Variants in GOLGB1 observed in about 807,000 individuals in gnomAD.
The protein encoded by GOLGB1 is golgin B1.
GOLGB1 carries 174 observed loss-of-function variants against 336.9 expected under a neutral mutation model. The observed-to-expected ratio is 0.52, with a 90% CI of 0.46 to 0.59. The LOEUF is 0.59. GOLGB1 is among the 20% of genes least tolerant of loss of function. The pLI is 0.00. For synonymous variants in GOLGB1, 1,208 were observed against 1,289.2 expected (o/e 0.94, Z 1.35); for missense variants, 3,331 against 3,645.3 (o/e 0.91, Z 2.22).
rs1222005415 is a variant in GOLGB1, at chr3:121,697,924, C to T, written c.2599G>A (p.Glu867Lys). 8 of 1,613,864 alleles carry T rather than the reference C, an allele frequency of 5.0e-6. No homozygotes were observed. Among genetic ancestry groups the T allele is most frequent in the Admixed American group, 3.3e-5 (2 of 59,986 alleles). Reference sequence around the variant, plus strand: ...TGTGAAAGAGCCTGGGACAGTTCTTCCACTTTACTTGAGATATGCCTTACA... The same window carrying T: ...TGTGAAAGAGCCTGGGACAGTTCTTTCACTTTACTTGAGATATGCCTTACA... ...ERVRHISSKV[E>K]ELSQALSQKE... is the part of the protein sequence containing the mutation. Residue 867 changes from glutamate (E) to lysine (K), a missense_variant, in exon 13 of 22, where the codon GAA (glutamate) becomes AAA (lysine). By Grantham distance (56) the Glu-to-Lys change is moderately conservative. Transcript: ENST00000614479.
intron 10 of GOLGB1, among the ~76,000 whole-genome samples, chr3:121,704,094 A>T (rs761748210): frequency 2.0e-5 from 3 of 152,128 alleles, no homozygotes; most frequent in Non-Finnish European, 4.4e-5. Context: ...AACTGAAATT[A>T]TCCAATCTGA....
intron 14 of GOLGB1, among the ~76,000 whole-genome samples, chr3:121,689,300 G>C (rs1942179377): frequency 1.3e-5 from 2 of 152,220 alleles, no homozygotes; most frequent in African/African-American, 4.8e-5. Context: ...ATTTTGTTCT[G>C]TACTAAGAAA....
rs751905403 is a variant in GOLGB1, at chr3:121,691,103, T to G, written c.8261A>C (p.His2754Pro). The G allele has an allele frequency of 1.2e-6, 2 of 1,613,964 alleles. No individual in the cohort carries two copies. Among genetic ancestry groups the G allele is most frequent in the Admixed American group, 3.3e-5 (2 of 60,008 alleles). ...SMSSLQNSRD[H>P]ANEELDELKR... Reference sequence around the variant, plus strand: ...CAGTTCATCAAGTTCCTCATTGGCATGATCTCTACTATTTTGCAAGGAACT... The same window carrying G: ...CAGTTCATCAAGTTCCTCATTGGCAGGATCTCTACTATTTTGCAAGGAACT... Residue 2754 changes from histidine to proline, a missense_variant, in exon 14 of 22, where the codon CAT (histidine) becomes CCT (proline). By Grantham distance (77) the His-to-Pro change is moderately conservative. Coordinates refer to ENST00000614479, the MANE Select transcript of GOLGB1 (RefSeq NM_001366282.2).
At chr3:121,735,833 T>C (rs1000566546) in intron 1 of GOLGB1, among the ~76,000 whole-genome samples, 1 of 152,188 alleles carries the variant, frequency 6.6e-6, no homozygotes, top group East Asian at 1.9e-4. Context: ...TCAGTAGCAA[T>C]GAGCGCATCC....
chr3:121,695,224 G>C lies in GOLGB1; in HGVS notation c.5299C>G (p.Gln1767Glu). The C allele has an allele frequency of 6.2e-7, 1 of 1,613,388 alleles. No homozygotes were observed. Residue 1767 changes from glutamine to glutamate, a missense_variant, in exon 13 of 22, where the codon CAG becomes GAG. By Grantham distance (29) the Gln-to-Glu change is conservative. Transcript: ENST00000614479. ...LSEEVQDLKH[Q>E]IEGNVSKQAN... is the part of the protein sequence containing the mutation. ...TGTTTAGATACATTACCTTCTATCT[G>C]ATGCTTTAAATCTTGAACCTCTTCA...
chr3:121,690,458 AT>A (rs1211743109), intron 14 of GOLGB1, among the ~76,000 whole-genome samples: 1 of 151,862 alleles, frequency 6.6e-6, no homozygotes, highest in Non-Finnish European at 1.5e-5. Flanking sequence ...GAAATTTCTG[AT>A]TTTTTTTCTA....
At chr3:121,741,902 A>G (rs1946885763) in intron 1 of GOLGB1, among the ~76,000 whole-genome samples, 1 of 152,310 alleles carries the variant, frequency 6.6e-6, no homozygotes, top group Non-Finnish European at 1.5e-5. Flanking sequence ...TTCCATTTCT[A>G]AAGTGGAAAT....
intron 10 of GOLGB1, among the ~76,000 whole-genome samples, chr3:121,703,226 T>C (rs569683592): frequency 6.6e-6 from 1 of 152,338 alleles, no homozygotes; most frequent in East Asian, 1.9e-4. Flanking sequence ...CATACAATTG[T>C]AGAATTTTTA....
chr3:121,697,977 T>C lies in GOLGB1; in HGVS notation c.2546A>G (p.Glu849Gly), dbSNP rs1332412811. ...TTCTGCCCCCTCAAGCACTTCACTT[T>C]CCTTATTTTGCAGCTGGCTTTGCAG... The part of the protein sequence containing the change: ...RSLQSQLQNK[E>G]SEVLEGAERV... The change falls in exon 13 of 22, where the codon GAA becomes GGA. Residue 849 changes from glutamate (E) to glycine (G), a missense_variant. Coordinates refer to ENST00000614479, the MANE Select transcript of GOLGB1 (RefSeq NM_001366282.2). 3 of 1,614,010 alleles carry C rather than the reference T, an allele frequency of 1.9e-6. No individual in the cohort carries two copies. The African/African-American group carries it at 4.0e-5, about 22-fold the overall frequency.
At chr3:121,728,876 C>A (rs1248066376) in intron 4 of GOLGB1, among the ~76,000 whole-genome samples, 1 of 152,124 alleles carries the variant, frequency 6.6e-6, no homozygotes, top group African/African-American at 2.4e-5. Context: ...GATGAAACTC[C>A]TCCAAAAGGT....
At chr3:121,711,168 T>C (rs975606443) in intron 10 of GOLGB1, among the ~76,000 whole-genome samples, 3 of 152,102 alleles carry the variant, frequency 2.0e-5, no homozygotes, top group African/African-American at 4.8e-5. Flanking sequence ...CACTCCAGCA[T>C]GGGCAACAGT....
intron 17 of GOLGB1, among the ~76,000 whole-genome samples, chr3:121,674,852 G>A (rs1021542565): frequency 2.1e-4 from 26 of 123,414 alleles, no homozygotes; most frequent in South Asian, 5.2e-4. Context: ...TTTTTGAGAC[G>A]GAGTCTCGCT....
At chr3:121,718,774 C>T (rs1944968076) in intron 7 of GOLGB1, among the ~76,000 whole-genome samples, 1 of 152,090 alleles carries the variant, frequency 6.6e-6, no homozygotes, top group Non-Finnish European at 1.5e-5. Context: ...AAAACAATAA[C>T]ACATATCTGC....
chr3:121,690,366 C>A (rs966905830), intron 14 of GOLGB1, among the ~76,000 whole-genome samples: 5 of 152,156 alleles, frequency 3.3e-5, no homozygotes, highest in Non-Finnish European at 5.9e-5. Flanking sequence ...AACATTTACA[C>A]ATGTCTTTGT....
intron 10 of GOLGB1, among the ~76,000 whole-genome samples, chr3:121,710,950 C>A (rs570515514): frequency 6.6e-6 from 1 of 152,088 alleles, no homozygotes; most frequent in South Asian, 2.1e-4. Flanking sequence ...GAGGCCAAGA[C>A]GGGTAGATCA....
chr3:121,742,971 T>C (rs531927052), intron 1 of GOLGB1, among the ~76,000 whole-genome samples: 9 of 152,238 alleles, frequency 5.9e-5, no homozygotes, highest in African/African-American at 2.2e-4. Context: ...AAACAACAGG[T>C]GCTGGAGAGG....
chr3:121,671,199 T>C (rs1452005095), intron 17 of GOLGB1, among the ~76,000 whole-genome samples: 1 of 152,226 alleles, frequency 6.6e-6, no homozygotes, highest in Admixed American at 6.5e-5. Context: ...GCTTATAAGC[T>C]ACTATATTTC....
rs575077603 is a variant in GOLGB1, at chr3:121,724,577, T to A, written c.532-2199A>T. 2.8e-3 allele frequency among the ~76,000 whole-genome samples: 396 copies of A among 139,478 alleles called. 4 individuals are homozygous for A. Among genetic ancestry groups the A allele is most frequent in the African/African-American group, 7.8e-3 (301 of 38,596 alleles). 91.5% of individuals were successfully genotyped at this position (139,478 alleles called of 152,430 possible). ...GAAAACAGAGCAAAAAAAAAAAAAA[T>A]TGGAAAATTTGCAACCTGGCCATGT... On this transcript the variant is annotated intron_variant, in intron 5 of 21. Coordinates refer to ENST00000614479, the MANE Select transcript of GOLGB1 (RefSeq NM_001366282.2).
At chr3:121,732,227 C>T (rs538179107) in intron 1 of GOLGB1, among the ~76,000 whole-genome samples, 18 of 152,210 alleles carry the variant, frequency 1.2e-4, no homozygotes, top group African/African-American at 4.3e-4. Flanking sequence ...TGAATTCATA[C>T]ATTAAAAACC....
Sources: allele counts gnomAD v4.1 joint callset (sites outside exome capture counted in the v4.1 genomes callset), GRCh38; gene constraint gnomAD v4.1.1; transcripts MANE v1.5; gene names NCBI Gene and HGNC (gene_info 2026-07-23, HGNC 2026-07-21).